ANK1: variants seen among roughly 807,000 people sequenced by gnomAD.
ANK1 encodes ankyrin 1.
ANK1 carries 51 observed loss-of-function variants against 210.4 expected under a neutral mutation model. The ratio of observed to expected loss-of-function variants is 0.24; its 90% CI spans 0.19 to 0.31. The LOEUF is 0.31. Ranked by LOEUF, ANK1 falls within the 10% of genes least tolerant of loss-of-function variation. The probability of loss-of-function intolerance (pLI) is 1.00; values close to 1 mark genes in which losing one functional copy is unlikely to be tolerated. For synonymous variants in ANK1, 967 were observed against 1,025.9 expected, an observed-to-expected ratio of 0.94 and a Z score of 1.10; for missense variants, 2,051 against 2,504.4, an observed-to-expected ratio of 0.82 and a Z score of 3.86.
At chr8:41,755,627 G>A (rs57300031) in intron 2 of ANK1, among the ~76,000 whole-genome samples, 5,678 of 152,276 alleles carry the variant, frequency 0.037, 353 homozygotes, top group African/African-American at 0.13. Context: ...CAACACAGCT[G>A]CAGCCTGTGC....
At chr8:41,664,321 A>T (rs1304376037) in intron 39 of ANK1, 3 of 369,810 alleles carry the variant, frequency 8.1e-6, no homozygotes, top group Non-Finnish European at 1.6e-5. Context: ...AAATTTTTTT[A>T]AAATAGCCAG....
chr8:41,863,683 G>C (rs753890715), intron 1 of ANK1, among the ~76,000 whole-genome samples: 1 of 152,212 alleles, frequency 6.6e-6, no homozygotes, highest in Non-Finnish European at 1.5e-5. Context: ...CACCCTTGCT[G>C]GTGAGGTATT....
chr8:41,853,755 A>AAATTT lies in ANK1; in HGVS notation c.126+42595_126+42599dup, dbSNP rs201809881. 8.1e-3 allele frequency among the ~76,000 whole-genome samples: 1,231 copies of AAATTT among 151,980 alleles called. 12 individuals are homozygous for AAATTT. The highest frequency in any genetic ancestry group is 0.01 in the Non-Finnish European group (703 of 67,986). On this transcript the variant is annotated intron_variant, in intron 1 of 42. Coordinates refer to the ANK1 transcript ENST00000265709. The stretch of plus-strand genomic sequence containing the variant: ...TTTTACTTATTTTATTTTATTTTTT[A>AAATTT]AATTTAATTTAATTTAATTTTTAGA...
chr8:41,822,367 T>C (rs1030755710), intron 1 of ANK1, among the ~76,000 whole-genome samples: 2 of 152,210 alleles, frequency 1.3e-5, no homozygotes, highest in African/African-American at 2.4e-5. Context: ...TGTGTGCTGA[T>C]GGCTGATTGG....
intron 38 of ANK1, among the ~76,000 whole-genome samples, chr8:41,672,092 G>T (rs1180650894): frequency 2.6e-5 from 4 of 152,174 alleles, no homozygotes. Flanking sequence ...GCGCCCATAT[G>T]TCCCTATGTG....
At chr8:41,814,234 C>T (rs918120730) in intron 1 of ANK1, among the ~76,000 whole-genome samples, 9 of 152,126 alleles carry the variant, frequency 5.9e-5, no homozygotes, top group Admixed American at 5.9e-4. Context: ...GTGGCAGGCA[C>T]CTGTAGTCCC....
intron 1 of ANK1, among the ~76,000 whole-genome samples, chr8:41,848,143 C>T (rs10112487): frequency 0.16 from 24,572 of 151,650 alleles, 2,811 homozygotes; most frequent in African/African-American, 0.32. Flanking sequence ...TGAGATCATG[C>T]CACTGCACTC....
intron 31 of ANK1, among the ~76,000 whole-genome samples, chr8:41,690,903 T>G (rs1819099941): frequency 6.6e-6 from 1 of 151,770 alleles, no homozygotes; most frequent in Non-Finnish European, 1.5e-5. Context: ...TAACATAGCT[T>G]CTGAAAACAA....
chr8:41,745,093 CAGACAG>C (rs367627117), intron 2 of ANK1, among the ~76,000 whole-genome samples: 1 of 38,306 alleles, frequency 2.6e-5, no homozygotes, highest in South Asian at 1.0e-3. Context: ...CGTGAGAAAA[CAGACAG>C]AGACAGAGAG....
intron 1 of ANK1, among the ~76,000 whole-genome samples, chr8:41,803,149 A>G (rs1850420454): frequency 6.6e-6 from 1 of 150,990 alleles, no homozygotes; most frequent in Non-Finnish European, 1.5e-5. Flanking sequence ...AAAGGAAAGA[A>G]AGAAAAGAAA....
intron 1 of ANK1, among the ~76,000 whole-genome samples, chr8:41,841,537 T>A (rs1808896353): frequency 6.6e-6 from 1 of 152,154 alleles, no homozygotes; most frequent in Non-Finnish European, 1.5e-5. Context: ...CCCGGCTAAG[T>A]GTTCTTACCA....
At chr8:41,749,147 C>CT (rs777886446) in intron 2 of ANK1, among the ~76,000 whole-genome samples, 1 of 152,176 alleles carries the variant, frequency 6.6e-6, no homozygotes, top group South Asian at 2.1e-4. Flanking sequence ...CAAGCTGGAC[C>CT]TTTTACCTGC....
intron 1 of ANK1, among the ~76,000 whole-genome samples, chr8:41,869,737 G>A (rs774777048): frequency 2.6e-5 from 4 of 152,158 alleles, no homozygotes; most frequent in Admixed American, 1.3e-4. Flanking sequence ...CTGGACATCC[G>A]CATGCTCCAT....
intron 1 of ANK1, among the ~76,000 whole-genome samples, chr8:41,859,238 G>C (rs959373336): frequency 1.3e-5 from 2 of 152,242 alleles, no homozygotes; most frequent in South Asian, 2.1e-4. Context: ...GAGGACGATG[G>C]GGCCAACGGC....
At position 41,718,121 on chromosome 8, in the gene ANK1, G is replaced by C. The variant is rs771588067; in HGVS notation, c.1191C>G (p.Ile397Met). ...TCTCTCCTACCTCGGTGACCGCGTC[G>C]ATCGAGGCTCCCGTCTTCAGCAGCA... ...MELLLKTGAS[I>M]DAVTESGLTP... The change falls in exon 11 of 43, where the codon ATC (isoleucine) becomes ATG (methionine). Residue 397 changes from isoleucine (I) to methionine (M), a missense_variant. Physicochemically the swap from Ile to Met is conservative, Grantham distance 10. Around this residue, in one of 6 missense-constraint regions of ANK1, gnomAD observed 1,413 missense variants for 1,707.4 expected, o/e 0.83. Transcript: ENST00000289734. 6.2e-7 allele frequency: 1 copy of C among 1,613,910 alleles called. No homozygotes were observed. Among genetic ancestry groups the C allele is most frequent in the South Asian group, 1.1e-5 (1 of 91,072 alleles).
chr8:41,686,186 G>C lies in ANK1; in HGVS notation c.4356C>G (p.Asn1452Lys). 1 of 1,614,194 alleles carries C rather than the reference G, an allele frequency of 6.2e-7. No homozygotes were observed. Residue 1452 changes from asparagine to lysine, a missense_variant, in exon 36 of 43, where the codon AAC (asparagine) becomes AAG (lysine). This residue lies in a region of ANK1 where 39 missense variants were observed against 75.1 expected (regional missense o/e 0.52). Transcript: ENST00000289734. ...TTTGGCCTTCACGGATGACCCAGAG[G>C]TTCAGCAAGGCCACACTCTGCTCCA... is the stretch of plus-strand genomic sequence containing the variant. ...SLLEQSVALL[N>K]LWVIREGQNA...
intron 16 of ANK1, among the ~76,000 whole-genome samples, chr8:41,713,630 A>G (rs192194222): frequency 8.5e-4 from 129 of 152,362 alleles, no homozygotes; most frequent in Middle Eastern, 3.4e-3. Context: ...TTCTCATTTT[A>G]AAGAGGTCTC....
chr8:41,690,488 C>T lies in ANK1; in HGVS notation c.3970G>A (p.Ala1324Thr). ...GGTGCCGGCACCTTTACAGGCATGG[C>T]CAGACGGTTCTCCCGAAATGACTGG... The part of the protein sequence containing the change: ...HFQSFRENRL[A>T]MPVKVRDSSR... The change falls in exon 32 of 43, where the codon GCC becomes ACC. Residue 1324 changes from alanine to threonine, a missense_variant. Transcript: ENST00000289734. The T allele has an allele frequency of 3.1e-6, 5 of 1,614,188 alleles. No homozygotes were observed. Among genetic ancestry groups the T allele is most frequent in the Non-Finnish European group, 4.2e-6 (5 of 1,180,034 alleles).
At chr8:41,889,517 T>A (rs771030457) in intron 1 of ANK1, among the ~76,000 whole-genome samples, 1 of 152,240 alleles carries the variant, frequency 6.6e-6, no homozygotes, top group Non-Finnish European at 1.5e-5. Flanking sequence ...TCCAGTCACA[T>A]TGGAAGCAAA....
Sources: allele counts gnomAD v4.1 joint callset (sites outside exome capture counted in the v4.1 genomes callset), GRCh38; gene constraint gnomAD v4.1.1; regional missense constraint gnomAD v4.1.1; transcripts MANE v1.5; gene names NCBI Gene and HGNC (gene_info 2026-07-23, HGNC 2026-07-21).